The following SCUBE2 variants were observed in gnomAD, a reference collection of about 807,000 sequenced individuals.
SCUBE2 encodes the protein signal peptide, CUB and EGF-like domain-containing protein 2.
A neutral mutation model predicts 125.9 loss-of-function variants in SCUBE2; 114 were observed. The observed-to-expected ratio is 0.91, with a 90% CI of 0.78 to 1.06. The LOEUF (loss-of-function observed/expected upper bound fraction) is 1.06, where lower values mean the gene tolerates loss of function less well. Ranked by LOEUF, SCUBE2 falls within the 50% of genes least tolerant of loss-of-function variation. The pLI, the probability that SCUBE2 is intolerant of heterozygous loss-of-function variation, is 0.00. For synonymous variants in SCUBE2, 459 were observed against 492.9 expected, an observed-to-expected ratio of 0.93 and a Z score of 0.91; for missense variants, 1,255 against 1,301.8, an observed-to-expected ratio of 0.96 and a Z score of 0.55.
chr11:9,061,381 A>AC (rs1859669385), intron 7 of SCUBE2, among the ~76,000 whole-genome samples: 1 of 147,842 alleles, frequency 6.8e-6, no homozygotes. Flanking sequence ...ACGTGGTGAG[A>AC]CCCCCATCTC....
intron 20 of SCUBE2, chr11:9,026,928 A>G (rs983001866): frequency 5.6e-6 from 1 of 179,124 alleles, no homozygotes; most frequent in Non-Finnish European, 1.2e-5. Context: ...TACACTGCCC[A>G]TAAGCTGTGT....
chr11:9,053,590 G>A (rs933440909), intron 11 of SCUBE2, 47 bp downstream of exon 11: 41 of 1,604,458 alleles, frequency 2.6e-5, no homozygotes, highest in Non-Finnish European at 2.8e-5. Flanking sequence ...CTGCCTCTGG[G>A]CCAGTGGCCA....
Position 9,091,411 on chromosome 11 carries a change from CG to C in SCUBE2, c.117del (p.Ala40ArgfsTer7). ...AGAVPPGRGR[A>X]AGPQEDVDEC... Reference sequence around the variant, plus strand: ...GGACACTCACCCTCCTGCGGCCCCGCGGCACGGCCCCGACCCGGCGGGACGG... The same window carrying C: ...GGACACTCACCCTCCTGCGGCCCCGCGCACGGCCCCGACCCGGCGGGACGG... On this transcript the variant is annotated frameshift_variant, in exon 1 of 23. Transcript: ENST00000649792. LOFTEE classifies it high-confidence loss of function. This position sits in a 1 kb window ranked among gnomAD's most constrained non-coding sequence, Gnocchi z 8.5. The C allele has an allele frequency of 7.6e-7, 1 of 1,310,224 alleles. No homozygotes were observed. Among genetic ancestry groups the C allele is most frequent in the Non-Finnish European group, 9.7e-7 (1 of 1,034,832 alleles). 81.2% of individuals were successfully genotyped at this position (1,310,224 alleles called of 1,614,324 possible).
rs1285287069 is a variant in SCUBE2, at chr11:9,047,509, C to T, written c.1849G>A (p.Ala617Thr). 1 of 1,613,422 alleles carries T rather than the reference C, an allele frequency of 6.2e-7. No homozygotes were observed. The highest frequency in any genetic ancestry group is 1.3e-5 in the African/African-American group (1 of 74,684). ...ACGGCCTTTCTGAGCGTGCGGATGG[C>T]TTTACGGAGCCGCTTCTCGGTTCGC... is the stretch of plus-strand genomic sequence containing the variant. ...VKRTEKRLRK[A>T]IRTLRKAVHR... is the part of the protein sequence containing the mutation. Residue 617 changes from alanine (A) to threonine (T), a missense_variant, in exon 16 of 23, where the codon GCC (alanine) becomes ACC (threonine). Ala to Thr is a moderately conservative substitution (Grantham distance 58, BLOSUM62 0). Transcript: ENST00000649792.
chr11:9,027,141 G>C, intron 20 of SCUBE2: 1 of 563,854 alleles, frequency 1.8e-6, no homozygotes, highest in Non-Finnish European at 3.2e-6. Context: ...GCACAGAGGG[G>C]AAGACTGACC....
intron 18 of SCUBE2, chr11:9,030,391 C>T: frequency 2.5e-6 from 1 of 404,106 alleles, no homozygotes; most frequent in South Asian, 3.0e-5. Flanking sequence ...TAGAGTTGGG[C>T]TCCCTGGGAA....
chr11:9,049,919 T>C (rs1239497445), intron 14 of SCUBE2: 1 of 152,240 alleles, frequency 6.6e-6, no homozygotes, highest in Non-Finnish European at 1.5e-5. Flanking sequence ...CAGTCAAAAG[T>C]GACTAGAGTG....
At chr11:9,038,766 A>T (rs1026029351) in intron 16 of SCUBE2, among the ~76,000 whole-genome samples, 1 of 152,268 alleles carries the variant, frequency 6.6e-6, no homozygotes, top group Non-Finnish European at 1.5e-5. Context: ...AAAGCAAGCA[A>T]GGGCCAGATC....
At position 9,021,954 on chromosome 11, in the gene SCUBE2, C is replaced by T; in HGVS notation, c.2856G>A (p.Glu952=). 1 of 1,610,188 alleles carries T rather than the reference C, an allele frequency of 6.2e-7. No homozygotes were observed. Among genetic ancestry groups the T allele is most frequent in the Non-Finnish European group, 8.5e-7 (1 of 1,176,432 alleles). Residue 952 remains glutamate (E), a splice_region_variant and synonymous_variant, in exon 22 of 23, where the codon GAG becomes GAA. Coordinates refer to ENST00000649792, the MANE Select transcript of SCUBE2 (RefSeq NM_001367977.2). ...GFQVPYVTYD[E]DYQELIEDIV... The stretch of plus-strand genomic sequence containing the variant: ...TGTCTTCAATGAGTTCCTGGTAGTC[C>T]TCTGTTGGAATAAAGAACATGTTTT...
At chr11:9,041,409 C>T (rs984051016) in intron 16 of SCUBE2, among the ~76,000 whole-genome samples, 7 of 151,972 alleles carry the variant, frequency 4.6e-5, no homozygotes, top group Non-Finnish European at 8.8e-5. Context: ...GAGGAAGGGA[C>T]GAAGGATTCA....
At chr11:9,049,371 G>A (rs1229575452) in intron 14 of SCUBE2, among the ~76,000 whole-genome samples, 2 of 152,108 alleles carry the variant, frequency 1.3e-5, no homozygotes, top group South Asian at 2.1e-4. Flanking sequence ...GGCCTCCTGA[G>A]TAGCTGGGAC....
rs779479460 is a variant in SCUBE2 at position 9,074,611 on chromosome 11, C to A, written c.387G>T (p.Val129=). The change falls in exon 4 of 23, where the codon GTG becomes GTT. Residue 129 remains valine, a synonymous_variant. Coordinates refer to ENST00000649792, the MANE Select transcript of SCUBE2 (RefSeq NM_001367977.2). ...CGCCATTGTTCTCCAGGCACTCGTCCACATCTGGAAGGAGAGAGGGATTAG... is the reference window on the plus strand; with the variant it reads ...CGCCATTGTTCTCCAGGCACTCGTCAACATCTGGAAGGAGAGAGGGATTAG... ...LAHDGHNCLD[V]DECLENNGGC... The A allele has an allele frequency of 1.2e-6, 2 of 1,614,200 alleles. No homozygotes were observed. Among genetic ancestry groups the A allele is most frequent in the Non-Finnish European group, 8.5e-7 (1 of 1,180,022 alleles).
At position 9,091,019 on chromosome 11, in the gene SCUBE2, G is replaced by A. The variant is rs1862646748; in HGVS notation, c.133+377C>T. ...AGAAAGAAACGGCAAAGCTGCCACC[G>A]CCTCGCGGATGTGCCCGGCCCGGCC... On this transcript the variant is annotated intron_variant, in intron 1 of 22. Transcript: ENST00000649792. This position sits in a 1 kb window ranked among gnomAD's most constrained non-coding sequence, Gnocchi z 8.5. Among the ~76,000 whole-genome samples, 6 of 152,174 alleles carry A rather than the reference G, an allele frequency of 3.9e-5. No homozygotes were observed. The South Asian group carries it at 1.2e-3, about 31-fold the overall frequency.
chr11:9,089,542 C>G (rs1862433161), intron 2 of SCUBE2, among the ~76,000 whole-genome samples, 165 bp downstream of exon 2: 1 of 152,158 alleles, frequency 6.6e-6, no homozygotes, highest in Non-Finnish European at 1.5e-5. Flanking sequence ...CTAATGTTTC[C>G]AGTCCAAGAT....
intron 12 of SCUBE2, 101 bp downstream of exon 12, chr11:9,052,998 G>A: frequency 1.8e-6 from 2 of 1,130,930 alleles, no homozygotes; most frequent in Admixed American, 2.0e-5. Flanking sequence ...CGGGGCATCT[G>A]GCGGAGGACC....
chr11:9,024,707 C>CTCTT (rs1257381220), intron 21 of SCUBE2, among the ~76,000 whole-genome samples: 1 of 152,168 alleles, frequency 6.6e-6, no homozygotes, highest in African/African-American at 2.4e-5. Context: ...ATGTCCTTCC[C>CTCTT]TCTTTCTGAA....
intron 5 of SCUBE2, among the ~76,000 whole-genome samples, chr11:9,067,256 C>G (rs867938360): frequency 6.6e-6 from 1 of 152,142 alleles, no homozygotes; most frequent in Non-Finnish European, 1.5e-5. Context: ...TTTCTCTCAT[C>G]AGATTCAATC....
Position 9,053,001 on chromosome 11 carries a change from G to A in SCUBE2, c.1447+98C>T, listed in dbSNP as rs542073956. ...AAGCACGGTGGTCGGGGCATCTGGC[G>A]GAGGACCTGGAAGCCCTTTGAGGGA... On this transcript the variant is annotated intron_variant, in intron 12 of 22. Transcript: ENST00000649792. 52 of 1,146,778 alleles carry A rather than the reference G, an allele frequency of 4.5e-5. No homozygotes were observed. In the African/African-American group the frequency reaches 5.3e-4, roughly 12 times the overall value. The allele number at this position is 1,146,778 out of a possible 1,614,324, so 71.0% of individuals were successfully genotyped here. A position where few individuals can be genotyped will look rare whatever the true frequency, so the allele number is the denominator to read the frequency against.
At chr11:9,064,944 C>T (rs1860063926) in intron 7 of SCUBE2, 1 of 152,168 alleles carries the variant, frequency 6.6e-6, no homozygotes, top group Non-Finnish European at 1.5e-5. Context: ...ACCGCTGGAC[C>T]TTCAGGCAGG....
Sources: allele counts gnomAD v4.1 joint callset (sites outside exome capture counted in the v4.1 genomes callset), GRCh38; gene constraint gnomAD v4.1.1; non-coding constraint Gnocchi (gnomAD v3.1); transcripts MANE v1.5; gene names NCBI Gene and HGNC (gene_info 2026-07-23, HGNC 2026-07-21).